C1GALT1: variants seen among roughly 807,000 people sequenced by gnomAD.
C1GALT1 encodes core 1 synthase, glycoprotein-N-acetylgalactosamine 3-beta-galactosyltransferase 1, also known as glycoprotein-N-acetylgalactosamine 3-beta-galactosyltransferase 1.
Under a neutral mutation model 31.0 loss-of-function variants are expected in C1GALT1, and 11 were observed. The ratio of observed to expected loss-of-function variants is 0.36; its 90% CI spans 0.22 to 0.59. C1GALT1 has a LOEUF of 0.59. Ranked by LOEUF, C1GALT1 falls within the 20% of genes least tolerant of loss-of-function variation. C1GALT1 has a pLI of 0.79. For synonymous variants in C1GALT1, 175 were observed against 143.6 expected (o/e 1.22, Z -1.56); for missense variants, 424 against 425.2 (o/e 1.00, Z 0.03).
chr7:7,159,053 T>C lies in C1GALT1; in HGVS notation c.-18+1627T>C, dbSNP rs192392761. ...GCAAATAGGGCATGTTTGTGACTTA[T>C]GCATTTTTGGAGTGAAGCAATTCAT... On this transcript the variant is annotated intron_variant, in intron 2 of 3. Coordinates refer to the C1GALT1 transcript ENST00000429911. Among the ~76,000 whole-genome samples the C allele has an allele frequency of 2.6e-5, 4 of 152,300 alleles. No homozygotes were observed. In the East Asian group the frequency reaches 5.8e-4, roughly 22 times the overall value.
chr7:7,234,598 T>C, intron 2 of C1GALT1, 59 bp downstream of exon 2: 1 of 1,265,390 alleles, frequency 7.9e-7, no homozygotes. Context: ...AATTTTGTCA[T>C]ATTCCTGTCT....
intron 2 of C1GALT1, among the ~76,000 whole-genome samples, chr7:7,164,007 A>T (rs1194998158): frequency 6.6e-6 from 1 of 152,192 alleles, no homozygotes; most frequent in East Asian, 1.9e-4. Flanking sequence ...CCGCATCGCC[A>T]AGTCAATCCT....
intron 1 of C1GALT1, among the ~76,000 whole-genome samples, chr7:7,208,739 G>C (rs1781864175): frequency 6.6e-6 from 1 of 152,110 alleles, no homozygotes; most frequent in African/African-American, 2.4e-5. Flanking sequence ...CCTGATATTT[G>C]GAGGACGGGG....
chr7:7,182,246 A>G (rs1023492418), upstream of C1GALT1, among the ~76,000 whole-genome samples: 1 of 152,192 alleles, frequency 6.6e-6, no homozygotes, highest in African/African-American at 2.4e-5. Context: ...AGGTCCTTCA[A>G]GCATCCCCTT....
At chr7:7,193,549 G>GT (rs1781163168) in intron 1 of C1GALT1, among the ~76,000 whole-genome samples, 1 of 152,150 alleles carries the variant, frequency 6.6e-6, no homozygotes, top group Non-Finnish European at 1.5e-5. Context: ...TGCTGTTTCG[G>GT]TAACTATAGC....
chr7:7,215,664 TA>T (rs1175189042), intron 1 of C1GALT1, among the ~76,000 whole-genome samples: 3 of 152,188 alleles, frequency 2.0e-5, no homozygotes, highest in Admixed American at 6.5e-5. Flanking sequence ...GTGTTTCCTC[TA>T]TTTCTTTGCC....
intron 1 of C1GALT1, among the ~76,000 whole-genome samples, chr7:7,186,771 G>T (rs1297626986): frequency 1.3e-5 from 2 of 152,184 alleles, no homozygotes. Flanking sequence ...GGAATGACAA[G>T]CAGTTAGTAT....
At chr7:7,199,344 G>A (rs144071246) in intron 1 of C1GALT1, among the ~76,000 whole-genome samples, 20,807 of 152,102 alleles carry the variant, frequency 0.14, 1,682 homozygotes, top group East Asian at 0.37. Flanking sequence ...GTAGGTGAGC[G>A]GTTTTGAGTG....
At chr7:7,177,553 G>C (rs749485280), upstream of C1GALT1, among the ~76,000 whole-genome samples, 1 of 152,164 alleles carries the variant, frequency 6.6e-6, no homozygotes, top group Non-Finnish European at 1.5e-5. Flanking sequence ...AAAGGAGCCA[G>C]TGATAATTAT....
intron 1 of C1GALT1, among the ~76,000 whole-genome samples, chr7:7,198,392 T>C (rs1036797806): frequency 2.0e-5 from 3 of 152,282 alleles, no homozygotes; most frequent in East Asian, 1.9e-4. Context: ...CCAACTTGAT[T>C]GTGGTGGATA....
chr7:7,230,621 CCTTTT>C (rs149389731), intron 1 of C1GALT1, among the ~76,000 whole-genome samples: 3,841 of 110,792 alleles, frequency 0.035, 150 homozygotes, highest in African/African-American at 0.13. Context: ...TTCTATATTC[CCTTTT>C]TTTTTTTTTT....
intron 2 of C1GALT1, among the ~76,000 whole-genome samples, chr7:7,157,723 A>G (rs1185072151): frequency 6.6e-6 from 1 of 152,158 alleles, no homozygotes; most frequent in Non-Finnish European, 1.5e-5. Context: ...CACAGTTGCC[A>G]ACATTCTTAT....
At chr7:7,220,847 A>G (rs1367196647) in intron 1 of C1GALT1, among the ~76,000 whole-genome samples, 1 of 152,162 alleles carries the variant, frequency 6.6e-6, no homozygotes, top group African/African-American at 2.4e-5. Context: ...CTTGTTGCAT[A>G]GTTTGAGTAT....
chr7:7,200,683 C>T (rs1023266469), intron 1 of C1GALT1, among the ~76,000 whole-genome samples: 1 of 152,180 alleles, frequency 6.6e-6, no homozygotes, highest in Non-Finnish European at 1.5e-5. Flanking sequence ...TTCTTGGAGG[C>T]TTTGTTCGTT....
At chr7:7,222,817 A>C (rs1641452911) in intron 1 of C1GALT1, among the ~76,000 whole-genome samples, 1 of 152,248 alleles carries the variant, frequency 6.6e-6, no homozygotes. Context: ...ATTTGCATTA[A>C]AATACTATAA....
chr7:7,167,736 C>T (rs1031936843), intron 2 of C1GALT1, among the ~76,000 whole-genome samples: 2 of 152,056 alleles, frequency 1.3e-5, no homozygotes, highest in African/African-American at 4.8e-5. Flanking sequence ...TGGCCTACTA[C>T]CCCCAGGCCT....
chr7:7,223,635 T>A (rs906574546), intron 1 of C1GALT1, among the ~76,000 whole-genome samples: 4 of 152,216 alleles, frequency 2.6e-5, no homozygotes, highest in African/African-American at 9.6e-5. Flanking sequence ...ATTTACTCTT[T>A]GTAGCATTTT....
chr7:7,183,272 G>A (rs1780668534), intron 1 of C1GALT1, among the ~76,000 whole-genome samples: 1 of 152,092 alleles, frequency 6.6e-6, no homozygotes, highest in Non-Finnish European at 1.5e-5. Flanking sequence ...CCGCCGGACT[G>A]GGCGCCCAGG....
At chr7:7,228,029 ACTCT>A (rs566379232) in intron 1 of C1GALT1, among the ~76,000 whole-genome samples, 1 of 152,172 alleles carries the variant, frequency 6.6e-6, no homozygotes, top group South Asian at 2.1e-4. Context: ...TGCTAGTGTG[ACTCT>A]CTGTGTCTGA....
Sources: allele counts gnomAD v4.1 joint callset (sites outside exome capture counted in the v4.1 genomes callset), GRCh38; gene constraint gnomAD v4.1.1; transcripts MANE v1.5; gene names NCBI Gene and HGNC (gene_info 2026-07-23, HGNC 2026-07-21).